RRM2: variants seen among roughly 807,000 people sequenced by gnomAD.
RRM2 encodes ribonucleotide reductase regulatory subunit M2, also known as ribonucleoside-diphosphate reductase subunit M2.
In RRM2, 6 loss-of-function variants were observed where a neutral mutation model predicts 45.9. The ratio of observed to expected loss-of-function variants is 0.13; its 90% CI spans 0.07 to 0.26. The LOEUF is 0.26. Among genes scored for constraint, RRM2 ranks in the 10% least tolerant of loss-of-function variants. The probability of loss-of-function intolerance (pLI) is 1.00; values close to 1 mark genes in which losing one functional copy is unlikely to be tolerated. For missense variants in RRM2, 343 were observed against 489.5 expected (o/e 0.70, Z 2.82); for synonymous variants, 177 against 173.0 (o/e 1.02, Z -0.18).
intron 3 of RRM2, among the ~76,000 whole-genome samples, chr2:10,191,516 A>T (rs1664306357): frequency 6.6e-6 from 1 of 152,126 alleles, no homozygotes; most frequent in African/African-American, 2.4e-5. Flanking sequence ...GGCTGGGCAG[A>T]GTGGGAATGG....
At chr2:10,128,728 G>GCT in intron 7 of RRM2, 120 bp from the exon 8 acceptor site, 1 of 709,950 alleles carries the variant, frequency 1.4e-6, no homozygotes, top group East Asian at 2.7e-5. Flanking sequence ...GAGTTCAAGT[G>GCT]CTCTCAGTAT....
chr2:10,132,548 A>C (rs1662921544), downstream of RRM2, among the ~76,000 whole-genome samples: 1 of 152,072 alleles, frequency 6.6e-6, no homozygotes, highest in South Asian at 2.1e-4. Flanking sequence ...ACAGATTTTT[A>C]TCTGTCTTTA....
intron 3 of RRM2, among the ~76,000 whole-genome samples, chr2:10,179,529 A>G (rs6719295): frequency 0.04 from 6,052 of 152,268 alleles, 399 homozygotes; most frequent in African/African-American, 0.14. Context: ...AGACTAGTGT[A>G]TAGATTCTTT....
chr2:10,208,894 C>T (rs1222937360), intron 3 of RRM2, among the ~76,000 whole-genome samples: 1 of 152,082 alleles, frequency 6.6e-6, no homozygotes, highest in Non-Finnish European at 1.5e-5. Context: ...ATGCCCCGTC[C>T]CTGTGCCTGC....
intron 5 of RRM2, among the ~76,000 whole-genome samples, chr2:10,125,587 G>A (rs973726854): frequency 6.6e-6 from 1 of 152,186 alleles, no homozygotes; most frequent in Non-Finnish European, 1.5e-5. Flanking sequence ...CCAGCTGCTT[G>A]GGAGGCTGAG....
chr2:10,181,787 A>C (rs1664063918), intron 3 of RRM2, among the ~76,000 whole-genome samples: 1 of 102,148 alleles, frequency 9.8e-6, no homozygotes, highest in African/African-American at 4.0e-5. Context: ...TTTTTAAGAC[A>C]GGGTCTCAGC....
In RRM2 at chr2:10,204,071, C is replaced by G. The variant is rs564325388; in HGVS notation, n.483-6240C>G. Reference sequence around the variant, plus strand: ...CTGAGCATACTTTAGCCTTCTAGCACACTCCTCTCTTCCCCTAAAATTAGC... The same window carrying G: ...CTGAGCATACTTTAGCCTTCTAGCAGACTCCTCTCTTCCCCTAAAATTAGC... On this transcript the variant is annotated intron_variant and non_coding_transcript_variant, in intron 3 of 3. Transcript: ENST00000381786. This position sits in a 1 kb window ranked among gnomAD's most constrained non-coding sequence, Gnocchi z 4.0. 2.8e-4 allele frequency among the ~76,000 whole-genome samples: 42 copies of G among 152,224 alleles called. No homozygotes were observed. In the South Asian group the frequency reaches 8.5e-3, roughly 31 times the overall value.
chr2:10,122,705 G>A, upstream of RRM2: 1 of 1,551,072 alleles, frequency 6.4e-7, no homozygotes, highest in Non-Finnish European at 8.7e-7. Context: ...CGCGGCGCGG[G>A]AGATTTAAAG....
rs766622993 is a variant in RRM2 at position 10,129,095 on chromosome 2, A to G, written c.958A>G (p.Met320Val). The G allele has an allele frequency of 6.2e-7, 1 of 1,614,112 alleles. No homozygotes were observed. Residue 320 changes from methionine (M) to valine (V), a missense_variant, in exon 9 of 10, where the codon ATG (methionine) becomes GTG (valine). Physicochemically the swap from Met to Val is conservative, Grantham distance 21. Transcript: ENST00000304567. This position sits in a 1 kb window ranked among gnomAD's most constrained non-coding sequence, Gnocchi z 4.8. ...VKLIGMNCTL[M>V]KQYIEFVADR... Reference sequence around the variant, plus strand: ...GCTCATTGGGATGAATTGCACTCTAATGAAGCAATACATTGAGTTTGTGGC... The same window carrying G: ...GCTCATTGGGATGAATTGCACTCTAGTGAAGCAATACATTGAGTTTGTGGC...
downstream of RRM2, among the ~76,000 whole-genome samples, chr2:10,134,040 G>A (rs1280706242): frequency 6.6e-6 from 1 of 151,900 alleles, no homozygotes; most frequent in Admixed American, 6.6e-5. Flanking sequence ...TTAGCCGGGT[G>A]TGGTGGCCCA....
intron 3 of RRM2, chr2:10,146,239 A>G (rs6706570): frequency 0.57 from 87,370 of 152,102 alleles, 25,633 homozygotes; most frequent in Non-Finnish European, 0.64. Context: ...TTAAACTCCA[A>G]ACGATGGCTC....
At chr2:10,188,663 T>C (rs188606785) in intron 3 of RRM2, among the ~76,000 whole-genome samples, 2 of 152,032 alleles carry the variant, frequency 1.3e-5, no homozygotes, top group Admixed American at 6.5e-5. Flanking sequence ...ACCTTCCTGC[T>C]TGAGGGGGAT....
intron 3 of RRM2, among the ~76,000 whole-genome samples, chr2:10,174,870 T>TAAAA (rs57446176): frequency 6.9e-6 from 1 of 144,916 alleles, no homozygotes; most frequent in African/African-American, 2.6e-5. Flanking sequence ...CAAAAATGGT[T>TAAAA]AAAAAAAAAA....
chr2:10,163,447 G>A (rs922238303), intron 3 of RRM2, among the ~76,000 whole-genome samples: 1 of 152,192 alleles, frequency 6.6e-6, no homozygotes. Context: ...GCAGAGGCCA[G>A]GTCCGACAGC....
chr2:10,180,356 C>T (rs1664020877), intron 3 of RRM2, among the ~76,000 whole-genome samples: 1 of 152,214 alleles, frequency 6.6e-6, no homozygotes, highest in Non-Finnish European at 1.5e-5. Flanking sequence ...ACAGGCTGGG[C>T]ATGGCCATTG....
At chr2:10,147,865 C>T (rs1259529691) in intron 3 of RRM2, among the ~76,000 whole-genome samples, 1 of 152,114 alleles carries the variant, frequency 6.6e-6, no homozygotes, top group African/African-American at 2.4e-5. Context: ...GAGACTTAGA[C>T]CAGGTGTGGT....
At chr2:10,122,731 G>T, upstream of RRM2, 1 of 1,552,000 alleles carries the variant, frequency 6.4e-7, no homozygotes, top group Middle Eastern at 1.7e-4. Context: ...TGGAGTGAGG[G>T]GTCGCCCGTG....
chr2:10,149,144 T>C (rs865960498), intron 3 of RRM2, among the ~76,000 whole-genome samples: 7 of 152,014 alleles, frequency 4.6e-5, no homozygotes, highest in African/African-American at 1.4e-4. Flanking sequence ...TTTTTTTTTT[T>C]TCGAGATGGA....
chr2:10,122,843 G>C lies in RRM2; in HGVS notation c.45G>C (p.Gln15His). The C allele has an allele frequency of 1.2e-6, 2 of 1,601,870 alleles. No homozygotes were observed. Among genetic ancestry groups the C allele is most frequent in the Non-Finnish European group, 1.7e-6 (2 of 1,175,854 alleles). Residue 15 changes from glutamine (Q) to histidine (H), a missense_variant, in exon 1 of 10, where the codon CAG becomes CAC. By Grantham distance (24) the Gln-to-His change is conservative. Around this residue, in one of 2 missense-constraint regions of RRM2, gnomAD observed 131 missense variants for 121.4 expected, o/e 1.08. Coordinates refer to ENST00000304567, the MANE Select transcript of RRM2 (RefSeq NM_001034.4). ...CGCTCGCGCCCATCACGGACCCGCAGCAGCTGCAGCTCTCGCCGCTGAAGG... is the reference window on the plus strand; with the variant it reads ...CGCTCGCGCCCATCACGGACCCGCACCAGCTGCAGCTCTCGCCGCTGAAGG... ...RVPLAPITDP[Q>H]QLQLSPLKGL... is the part of the protein sequence containing the mutation.
Sources: allele counts gnomAD v4.1 joint callset (sites outside exome capture counted in the v4.1 genomes callset), GRCh38; gene constraint gnomAD v4.1.1; regional missense constraint gnomAD v4.1.1; non-coding constraint Gnocchi (gnomAD v3.1); transcripts MANE v1.5; gene names NCBI Gene and HGNC (gene_info 2026-07-23, HGNC 2026-07-21).